The following ZPLD1 variants were observed in gnomAD, a reference collection of about 807,000 sequenced individuals.
ZPLD1 encodes the protein zona pellucida-like domain-containing protein 1.
ZPLD1 carries 34 observed loss-of-function variants against 47.2 expected under a neutral mutation model. The observed-to-expected ratio is 0.72, with a 90% confidence interval of 0.55 to 0.96. ZPLD1 has a LOEUF of 0.96. Ranked by LOEUF, ZPLD1 falls within the 40% of genes least tolerant of loss-of-function variation. ZPLD1 has a pLI of 0.00. For missense variants in ZPLD1, 512 were observed against 505.8 expected (o/e 1.01, Z -0.12); for synonymous variants, 176 against 186.2 (o/e 0.95, Z 0.45).
intron 8 of ZPLD1, among the ~76,000 whole-genome samples, chr3:102,466,586 A>G (rs1024120879): frequency 6.6e-5 from 10 of 152,166 alleles, no homozygotes; most frequent in African/African-American, 2.4e-4. Context: ...AAGTAAGGAT[A>G]GGACAGTAAA....
At position 102,469,148 on chromosome 3, in the gene ZPLD1, G is replaced by T. The variant is rs377414429; in HGVS notation, c.933+13G>T. Reference sequence around the variant, plus strand: ...CTTCCTTATGCCGGTATGTTTTTAAGGAACTTCATTTTAAGTTGTTGAATT... The same window carrying T: ...CTTCCTTATGCCGGTATGTTTTTAATGAACTTCATTTTAAGTTGTTGAATT... On this transcript the variant is annotated intron_variant, in intron 9 of 11. Transcript: ENST00000466937. 415 of 1,599,086 alleles carry T rather than the reference G, an allele frequency of 2.6e-4. 4 individuals are homozygous for T. In the Middle Eastern group the frequency reaches 4.0e-3, roughly 16 times the overall value.
At chr3:102,460,216 G>A (rs747230746) in intron 6 of ZPLD1, among the ~76,000 whole-genome samples, 1 of 151,922 alleles carries the variant, frequency 6.6e-6, no homozygotes, top group Non-Finnish European at 1.5e-5. Context: ...CACATGGAAT[G>A]TTTTTTATTT....
intron 8 of ZPLD1, among the ~76,000 whole-genome samples, chr3:102,418,819 C>T (rs1169083996): frequency 6.6e-6 from 1 of 151,830 alleles, no homozygotes; most frequent in Non-Finnish European, 1.5e-5. Flanking sequence ...AATGATTGGC[C>T]TAGTATTGTT....
intron 7 of ZPLD1, among the ~76,000 whole-genome samples, chr3:102,396,573 G>A (rs1214983609): frequency 6.6e-6 from 1 of 152,090 alleles, no homozygotes; most frequent in African/African-American, 2.4e-5. Context: ...TCAGCATCAA[G>A]GAGATGTGGT....
intron 3 of ZPLD1, among the ~76,000 whole-genome samples, chr3:102,444,687 G>A (rs563479267): frequency 1.3e-5 from 2 of 152,010 alleles, no homozygotes; most frequent in Non-Finnish European, 1.5e-5. Flanking sequence ...AATATTTATC[G>A]GAGCCCAGGA....
At chr3:102,432,212 G>T (rs1288016390), upstream of ZPLD1, among the ~76,000 whole-genome samples, 1 of 152,160 alleles carries the variant, frequency 6.6e-6, no homozygotes, top group Non-Finnish European at 1.5e-5. Context: ...TTTCTGCAGA[G>T]CAGGTTTGAG....
intron 7 of ZPLD1, among the ~76,000 whole-genome samples, chr3:102,406,671 C>G (rs1706691024): frequency 6.6e-6 from 1 of 151,864 alleles, no homozygotes; most frequent in Non-Finnish European, 1.5e-5. Flanking sequence ...TATGTTAGAA[C>G]TTTAAAAATA....
intron 8 of ZPLD1, among the ~76,000 whole-genome samples, chr3:102,465,096 T>C (rs1284248184): frequency 6.6e-6 from 1 of 152,194 alleles, no homozygotes; most frequent in Admixed American, 6.5e-5. Flanking sequence ...TTGAGCAACA[T>C]TTTTGGGAAA....
At chr3:102,416,715 C>G (rs1278182432) in intron 7 of ZPLD1, among the ~76,000 whole-genome samples, 1 of 151,886 alleles carries the variant, frequency 6.6e-6, no homozygotes, top group Non-Finnish European at 1.5e-5. Flanking sequence ...TTAATGAGTG[C>G]TTAACCCCCT....
intron 8 of ZPLD1, chr3:102,418,299 C>T (rs1159142104): frequency 6.6e-6 from 1 of 152,030 alleles, no homozygotes; most frequent in Non-Finnish European, 1.5e-5. Flanking sequence ...ATAATGTTTT[C>T]TTTTTAACAC....
chr3:102,457,937 A>G, intron 6 of ZPLD1, 84 bp downstream of exon 6: 3 of 1,332,768 alleles, frequency 2.3e-6, no homozygotes, highest in Non-Finnish European at 3.2e-6. Context: ...ATAAAAATCT[A>G]CTGAAAGCCA....
chr3:102,473,759 C>CATCCA (rs1707718627), intron 10 of ZPLD1, among the ~76,000 whole-genome samples: 1 of 152,112 alleles, frequency 6.6e-6, no homozygotes, highest in Non-Finnish European at 1.5e-5. Context: ...AGAACTCAAG[C>CATCCA]CATATCCATC....
intron 6 of ZPLD1, among the ~76,000 whole-genome samples, chr3:102,389,797 T>C (rs184762706): frequency 5.3e-4 from 81 of 152,292 alleles, no homozygotes; most frequent in African/African-American, 1.9e-3. Context: ...ACTTTTAATA[T>C]CATTTCTCTT....
At chr3:102,426,132 G>GCA (rs79509819) in intron 8 of ZPLD1, among the ~76,000 whole-genome samples, 3,226 of 142,966 alleles carry the variant, frequency 0.023, 91 homozygotes, top group African/African-American at 0.066. Flanking sequence ...ACACACACAT[G>GCA]CACACACACA....
intron 3 of ZPLD1, among the ~76,000 whole-genome samples, chr3:102,443,041 G>C (rs1576150529): frequency 6.6e-6 from 1 of 152,170 alleles, no homozygotes. Context: ...TTTGTGACTA[G>C]TGTATATTTT....
chr3:102,415,198 C>T (rs1706791599), intron 7 of ZPLD1, among the ~76,000 whole-genome samples: 2 of 151,886 alleles, frequency 1.3e-5, no homozygotes, highest in South Asian at 2.1e-4. Flanking sequence ...ATCTCGACTA[C>T]AACTCATTTT....
In ZPLD1 at chr3:102,447,542, G is replaced by A. The variant is rs115222657; in HGVS notation, c.107-5377G>A. Among the ~76,000 whole-genome samples, 545 of 152,204 alleles carry A rather than the reference G, an allele frequency of 3.6e-3. 5 individuals carry two copies. In the Middle Eastern group the frequency reaches 0.041, roughly 11 times the overall value. ...TCTTTGTATTGCAGAATACATATGT[G>A]CAAATTCTTTGAATAATTTATTAAT... On this transcript the variant is annotated intron_variant, in intron 3 of 11. Coordinates refer to ENST00000466937, the MANE Select transcript of ZPLD1 (RefSeq NM_001329788.2).
chr3:102,423,467 C>A (rs1341024743), intron 8 of ZPLD1, among the ~76,000 whole-genome samples: 1 of 151,794 alleles, frequency 6.6e-6, no homozygotes, highest in African/African-American at 2.4e-5. Context: ...GGATGCAGAC[C>A]ATTATATTAT....
chr3:102,450,903 T>A (rs1216078330), intron 3 of ZPLD1, among the ~76,000 whole-genome samples: 1 of 152,228 alleles, frequency 6.6e-6, no homozygotes, highest in African/African-American at 2.4e-5. Context: ...ATTTAAATAG[T>A]TAATGTTGCC....
Sources: allele counts gnomAD v4.1 joint callset (sites outside exome capture counted in the v4.1 genomes callset), GRCh38; gene constraint gnomAD v4.1.1; transcripts MANE v1.5; gene names NCBI Gene and HGNC (gene_info 2026-07-23, HGNC 2026-07-21).